ZBED6: variants seen among roughly 807,000 people sequenced by gnomAD.
ZBED6 encodes the protein zinc finger BED domain-containing protein 6.
A neutral mutation model predicts 58.4 loss-of-function variants in ZBED6; 40 were observed. The ratio of observed to expected loss-of-function variants is 0.68; its 90% CI spans 0.53 to 0.89. ZBED6 has a LOEUF of 0.89. Ranked by LOEUF, ZBED6 falls within the 40% of genes least tolerant of loss-of-function variation. The pLI, the probability that ZBED6 is intolerant of heterozygous loss-of-function variation, is 0.00. For missense variants in ZBED6, 1,057 were observed against 1,003.9 expected (o/e 1.05, Z -0.71); for synonymous variants, 439 against 350.6 (o/e 1.25, Z -2.82).
Position 203,815,216 on chromosome 1 carries a change from C to CTTTCT in ZBED6, c.*2555-1707_*2555-1706insCTTTT, listed in dbSNP as rs767809337. Among the ~76,000 whole-genome samples, 625 of 97,124 alleles carry CTTTCT rather than the reference C, an allele frequency of 6.4e-3. 17 individuals are homozygous for CTTTCT. Among genetic ancestry groups the CTTTCT allele is most frequent in the African/African-American group, 0.023 (586 of 25,764 alleles). The allele number at this position is 97,124 out of a possible 152,430, so 63.7% of individuals were successfully genotyped here. On this transcript the variant is annotated intron_variant, in intron 1 of 16. Transcript: ENST00000550078. ...TTCATTATTTTCTTCCTTTTCTTTT[C>CTTTCT]TTTTTTTTTTTTTTTTGAGACAGTG...
chr1:203,799,123 G>C lies in ZBED6; in HGVS notation c.1601G>C (p.Cys534Ser), dbSNP rs1014378280. 56 of 1,523,736 alleles carry C rather than the reference G, an allele frequency of 3.7e-5. No individual in the cohort carries two copies. Among genetic ancestry groups the C allele is most frequent in the Non-Finnish European group, 4.5e-5 (51 of 1,135,714 alleles). The allele number at this position is 1,523,736 out of a possible 1,614,324, so 94.4% of individuals were successfully genotyped here. A position where few individuals can be genotyped will look rare whatever the true frequency, so the allele number is the denominator to read the frequency against. ...TGTGTTACAGGTTTGGCTAAAGACTGTTTGATAACCAATATTTTACAAGAA... is the reference window on the plus strand; with the variant it reads ...TGTGTTACAGGTTTGGCTAAAGACTCTTTGATAACCAATATTTTACAAGAA... Residue 534 changes from cysteine (C) to serine (S), a missense_variant, in exon 1 of 17, where the codon TGT becomes TCT. Physicochemically the swap from Cys to Ser is moderately radical, Grantham distance 112 (BLOSUM62 -1). Transcript: ENST00000550078.
chr1:203,803,904 C>T (rs1671301651), intron 1 of ZBED6, among the ~76,000 whole-genome samples: 1 of 152,152 alleles, frequency 6.6e-6, no homozygotes, highest in African/African-American at 2.4e-5. Flanking sequence ...CATGCCTGGC[C>T]TCCCATTCCT....
intron 1 of ZBED6, among the ~76,000 whole-genome samples, chr1:203,814,530 A>G (rs961506152): frequency 5.3e-5 from 8 of 152,136 alleles, no homozygotes; most frequent in Non-Finnish European, 8.8e-5. Flanking sequence ...TCTCAAAGAA[A>G]AAAAAAAGAA....
rs1319023339 is a variant in ZBED6 at position 203,829,189 on chromosome 1, C to T, written c.*2998-262C>T. ...AAATTAAAGGTCTAGAATTTGTGAA[C>T]AGGTACTATGCTTCTTCTAGTCTTC... On this transcript the variant is annotated intron_variant, in intron 4 of 16. Transcript: ENST00000550078. The T allele has an allele frequency of 2.0e-5, 10 of 495,228 alleles. No homozygotes were observed. In the East Asian group the frequency reaches 3.5e-4, roughly 18 times the overall value. The allele number at this position is 495,228 out of a possible 1,614,324, so 30.7% of individuals were successfully genotyped here.
chr1:203,797,859 A>G (rs1669138394), exon 1 of ZBED6: 5 of 1,536,000 alleles, frequency 3.3e-6, no homozygotes, highest in Non-Finnish European at 4.4e-6. Context: ...GGATGAAGAA[A>G]GTCTTTTTGA....
At chr1:203,820,249 A>G (rs1678088188) in intron 3 of ZBED6, among the ~76,000 whole-genome samples, 1 of 151,950 alleles carries the variant, frequency 6.6e-6, no homozygotes, top group Non-Finnish European at 1.5e-5. Flanking sequence ...AAAAAAAAAA[A>G]AAAGCCCAAA....
In ZBED6 at chr1:203,849,784, A is replaced by C. The variant is rs780410674; in HGVS notation, c.*4396A>C. 2.5e-6 allele frequency: 4 copies of C among 1,613,820 alleles called. No individual in the cohort carries two copies. In the East Asian group the frequency reaches 6.7e-5, roughly 27 times the overall value. ...AGATGTGAGACCATGAGAGAGAAGCACATGCAGAAACAGCAGGAGAGGGAA... is the reference window on the plus strand; with the variant it reads ...AGATGTGAGACCATGAGAGAGAAGCCCATGCAGAAACAGCAGGAGAGGGAA... On this transcript the variant is annotated 3_prime_UTR_variant, in exon 14 of 17. Transcript: ENST00000550078.
chr1:203,852,855 A>G (rs1295620850), exon 17 of ZBED6: 1 of 177,844 alleles, frequency 5.6e-6, no homozygotes. Flanking sequence ...CTACCACTAA[A>G]CAAAAATACC....
chr1:203,831,184 TC>T (rs767186852), intron 7 of ZBED6, among the ~76,000 whole-genome samples: 41 of 151,876 alleles, frequency 2.7e-4, no homozygotes, highest in Non-Finnish European at 5.9e-5. Flanking sequence ...CCTCAGGTAA[TC>T]CACTGCGCCC....
At chr1:203,850,965 G>T in intron 15 of ZBED6, 92 bp from the exon 16 acceptor site, 1 of 1,439,640 alleles carries the variant, frequency 6.9e-7, no homozygotes, top group Non-Finnish European at 9.6e-7. Flanking sequence ...AAGAATCATA[G>T]CCACAATTCT....
chr1:203,841,633 T>A (rs1243113292), intron 11 of ZBED6, among the ~76,000 whole-genome samples: 1 of 152,072 alleles, frequency 6.6e-6, no homozygotes, highest in African/African-American at 2.4e-5. Flanking sequence ...CAAAACCGCC[T>A]TTGTCATCAT....
intron 1 of ZBED6, chr1:203,806,307 C>G: frequency 8.5e-6 from 2 of 234,344 alleles, no homozygotes; most frequent in Non-Finnish European, 8.5e-6. Context: ...TTTTCTTTTT[C>G]CTTTTTTTTT....
exon 14 of ZBED6, chr1:203,849,838 A>T: frequency 1.2e-6 from 2 of 1,614,048 alleles, no homozygotes; most frequent in African/African-American, 1.3e-5. Context: ...CTTCGGGGAG[A>T]TGTAGCCTCT....
Position 203,847,045 on chromosome 1 carries a change from G to A in ZBED6, c.*3742-139G>A, listed in dbSNP as rs750375234. 2.2e-5 allele frequency: 20 copies of A among 892,160 alleles called. No homozygotes were observed. The African/African-American group carries it at 2.9e-4, about 13-fold the overall frequency. The allele number at this position is 892,160 out of a possible 1,614,324, so 55.3% of individuals were successfully genotyped here. A position where few individuals can be genotyped will look rare whatever the true frequency, so the allele number is the denominator to read the frequency against. On this transcript the variant is annotated intron_variant, in intron 11 of 16. Transcript: ENST00000550078. ...AAGAAAAAAAGGAAAAGAAATAAAT[G>A]TTACCCTTTTGATCCTTTTAATTGC... is the stretch of plus-strand genomic sequence containing the variant.
intron 10 of ZBED6, among the ~76,000 whole-genome samples, chr1:203,838,954 C>CAAAAAAAAAAAA (rs59033094): frequency 4.1e-5 from 4 of 97,934 alleles, no homozygotes; most frequent in African/African-American, 1.3e-4. Flanking sequence ...GACTTCATCT[C>CAAAAAAAAAAAA]AAAAAAAAAA....
exon 1 of ZBED6, chr1:203,798,355 A>G (rs1460810994): frequency 5.2e-6 from 8 of 1,535,434 alleles, no homozygotes; most frequent in Non-Finnish European, 7.0e-6. Context: ...ACTGATCCTC[A>G]GCACATCTCA....
exon 17 of ZBED6, chr1:203,852,580 T>C: frequency 1.5e-6 from 1 of 667,824 alleles, no homozygotes; most frequent in Non-Finnish European, 2.5e-6. Context: ...TTAAAGTTAC[T>C]TTATAACCAT....
exon 1 of ZBED6, chr1:203,801,439 T>G (rs1425486158): frequency 1.3e-5 from 2 of 152,212 alleles, no homozygotes; most frequent in Non-Finnish European, 2.9e-5. Flanking sequence ...CATTTTAAGA[T>G]CCCTTTCTAC....
chr1:203,838,883 G>A (rs1685180470), intron 10 of ZBED6, among the ~76,000 whole-genome samples: 1 of 150,362 alleles, frequency 6.7e-6, no homozygotes, highest in Non-Finnish European at 1.5e-5. Flanking sequence ...AACCTGGAAG[G>A]CGGAGGTTAC....
Sources: gnomAD v4.1 joint callset for allele counts (sites outside exome capture counted in the v4.1 genomes callset) on GRCh38, gnomAD v4.1.1 for gene constraint, MANE v1.5 for transcripts, NCBI Gene and HGNC (gene_info 2026-07-23, HGNC 2026-07-21) for gene names.